TLR5: variants seen among roughly 807,000 people sequenced by gnomAD.
TLR5 encodes the protein toll like receptor 5.
For synonymous variants in TLR5, 373 were observed against 384.4 expected, an observed-to-expected ratio of 0.97 and a Z score of 0.35; for missense variants, 944 against 999.8, an observed-to-expected ratio of 0.94 and a Z score of 0.75.
In TLR5 at chr1:223,112,005, A is replaced by G. The variant is rs778433571; in HGVS notation, c.1027T>C (p.Leu343=). The part of the protein sequence containing the change: ...YGLDNLQVLN[L]SYNLLGELYS... Reference sequence around the variant, plus strand: ...AGTTCCCCCAGAAGGTTATATGACAAATTGAGAACTTGGAGGTTGTCAAGT... The same window carrying G: ...AGTTCCCCCAGAAGGTTATATGACAGATTGAGAACTTGGAGGTTGTCAAGT... The change falls in exon 6 of 6, where the codon TTG becomes CTG. Residue 343 remains leucine (L), a synonymous_variant. Transcript: ENST00000642603. 6.2e-6 allele frequency: 10 copies of G among 1,614,230 alleles called. No individual in the cohort carries two copies. The highest frequency in any genetic ancestry group is 8.5e-6 in the Non-Finnish European group (10 of 1,180,036).
In TLR5 at chr1:223,111,110, G is replaced by A. The variant is rs1036863712; in HGVS notation, c.1922C>T (p.Ser641Phe). ...EEEVLKSLKFSLFIVCTVTLT... is the reference protein window; with the variant it reads ...EEEVLKSLKFFLFIVCTVTLT... ...AGTGACAGTGCATACAATGAAAAGG[G>A]AGAACTTTAGGGACTTTAAGACTTC... Residue 641 changes from serine (S) to phenylalanine (F), a missense_variant, in exon 6 of 6, where the codon TCC (serine) becomes TTC (phenylalanine). Physicochemically the swap from Ser to Phe is radical, Grantham distance 155 (BLOSUM62 -2). Transcript: ENST00000642603. The A allele has an allele frequency of 1.2e-6, 2 of 1,614,082 alleles. No individual in the cohort carries two copies. The highest frequency in any genetic ancestry group is 2.7e-5 in the African/African-American group (2 of 74,924).
At chr1:223,118,857 A>G (rs912005187) in intron 5 of TLR5, among the ~76,000 whole-genome samples, 26 of 152,116 alleles carry the variant, frequency 1.7e-4, no homozygotes, top group Non-Finnish European at 2.8e-4. Context: ...TAACCCCAGC[A>G]CTTTGGGAGG....
chr1:223,138,899 G>A (rs185046508), intron 2 of TLR5, among the ~76,000 whole-genome samples: 145 of 152,316 alleles, frequency 9.5e-4, no homozygotes, highest in African/African-American at 3.3e-3. Flanking sequence ...GGAGGTAACT[G>A]AATCCTGGGG....
chr1:223,133,173 G>T (rs777158244), intron 4 of TLR5, among the ~76,000 whole-genome samples: 1 of 152,224 alleles, frequency 6.6e-6, no homozygotes, highest in African/African-American at 2.4e-5. Context: ...TGTCCTGAAA[G>T]TTGAAGAGTT....
intron 5 of TLR5, among the ~76,000 whole-genome samples, chr1:223,117,477 C>T (rs1051952593): frequency 6.1e-5 from 9 of 147,174 alleles, no homozygotes; most frequent in East Asian, 2.0e-4. Flanking sequence ...GCTGCCAGCA[C>T]GCTGTCACCT....
chr1:223,114,956 G>A (rs754396261), intron 5 of TLR5, among the ~76,000 whole-genome samples: 2 of 152,086 alleles, frequency 1.3e-5, no homozygotes, highest in African/African-American at 2.4e-5. Flanking sequence ...GTAAGCCGCC[G>A]CCATCTCTTT....
In TLR5 at chr1:223,112,964, G is replaced by C. The variant is rs907320513; in HGVS notation, c.68C>G (p.Ser23Cys). 2.5e-6 allele frequency: 4 copies of C among 1,614,056 alleles called. No homozygotes were observed. In the East Asian group the frequency reaches 8.9e-5, roughly 36 times the overall value. Residue 23 changes from serine (S) to cysteine (C), a missense_variant, in exon 6 of 6, where the codon TCC (serine) becomes TGC (cysteine). By Grantham distance (112) the Ser-to-Cys change is moderately radical. Coordinates refer to ENST00000642603, the MANE Select transcript of TLR5 (RefSeq NM_003268.6). ...GGCTATTCGGCCATCAAAGGAGCAG[G>C]AAGGAATTCCAAACACAGGACCGGC... ...LMAGPVFGIP[S>C]CSFDGRIAFY...
chr1:223,125,607 G>C (rs535579121), intron 5 of TLR5, among the ~76,000 whole-genome samples: 35 of 152,064 alleles, frequency 2.3e-4, no homozygotes, highest in Non-Finnish European at 4.4e-4. Flanking sequence ...GGCGGTGGTT[G>C]GTGGTGATGG....
chr1:223,117,833 T>A (rs1295880445), intron 5 of TLR5, among the ~76,000 whole-genome samples: 1 of 152,182 alleles, frequency 6.6e-6, no homozygotes. Context: ...ATAATGTATG[T>A]CAATGAAAAG....
chr1:223,121,995 A>G (rs1656973289), intron 5 of TLR5, among the ~76,000 whole-genome samples: 1 of 152,232 alleles, frequency 6.6e-6, no homozygotes, highest in Non-Finnish European at 1.5e-5. Flanking sequence ...AGTGATCTCA[A>G]TAGATAAAAT....
intron 5 of TLR5, chr1:223,128,082 G>T (rs948105858): frequency 6.6e-6 from 1 of 152,174 alleles, no homozygotes; most frequent in Non-Finnish European, 1.5e-5. Context: ...AGAAATAGAC[G>T]CAAATCCCTA....
chr1:223,126,196 C>T (rs529617121), intron 5 of TLR5, among the ~76,000 whole-genome samples: 7 of 152,258 alleles, frequency 4.6e-5, no homozygotes, highest in Admixed American at 2.6e-4. Context: ...TTCTGACACA[C>T]GGTACAAGAC....
intron 5 of TLR5, among the ~76,000 whole-genome samples, chr1:223,121,485 T>G (rs185978693): frequency 6.6e-6 from 1 of 152,224 alleles, no homozygotes; most frequent in Non-Finnish European, 1.5e-5. Context: ...CCAGGAATTC[T>G]GCGAATCCTA....
intron 3 of TLR5, among the ~76,000 whole-genome samples, chr1:223,136,456 T>C (rs1000168463): frequency 2.6e-5 from 4 of 152,176 alleles, no homozygotes; most frequent in African/African-American, 9.7e-5. Flanking sequence ...CTAATATTAA[T>C]ATCTAGAAAA....
chr1:223,124,529 A>G (rs1305110169), intron 5 of TLR5, among the ~76,000 whole-genome samples: 1 of 152,228 alleles, frequency 6.6e-6, no homozygotes, highest in Non-Finnish European at 1.5e-5. Context: ...ATTCTTAAAA[A>G]TACATAATAC....
intron 5 of TLR5, among the ~76,000 whole-genome samples, chr1:223,122,425 GC>G (rs1465520326): frequency 6.6e-6 from 1 of 152,176 alleles, no homozygotes; most frequent in African/African-American, 2.4e-5. Flanking sequence ...GGAAGCATGA[GC>G]CCTTACTCAG....
Position 223,110,410 on chromosome 1 carries a change from AAG to A in TLR5, c.*43_*44del, listed in dbSNP as rs1374783623. 1 of 1,603,930 alleles carries A rather than the reference AAG, an allele frequency of 6.2e-7. No homozygotes were observed. The highest frequency in any genetic ancestry group is 8.5e-7 in the Non-Finnish European group (1 of 1,172,352). On this transcript the variant is annotated 3_prime_UTR_variant, in exon 6 of 6. Transcript: ENST00000642603. The stretch of plus-strand genomic sequence containing the variant: ...GATAACTTGGTGCAAATACAAAGTG[AAG>A]AGTTATTTGTGGCTTGAGATAAGTT...
chr1:223,115,730 G>A (rs1656599052), intron 5 of TLR5, among the ~76,000 whole-genome samples: 1 of 152,194 alleles, frequency 6.6e-6, no homozygotes, highest in Non-Finnish European at 1.5e-5. Flanking sequence ...AGATGGGGGT[G>A]CCATGGCTCG....
At chr1:223,116,558 C>T (rs2102880026) in intron 5 of TLR5, among the ~76,000 whole-genome samples, 1 of 152,256 alleles carries the variant, frequency 6.6e-6, no homozygotes, top group East Asian at 1.9e-4. Flanking sequence ...CTGCAAAGAG[C>T]AAAAGAACAA....
Sources: allele counts gnomAD v4.1 joint callset (sites outside exome capture counted in the v4.1 genomes callset), GRCh38; gene constraint gnomAD v4.1.1; transcripts MANE v1.5; gene names NCBI Gene and HGNC (gene_info 2026-07-23, HGNC 2026-07-21).